DDX42: variants seen among roughly 807,000 people sequenced by gnomAD.
The protein encoded by DDX42 is ATP-dependent RNA helicase DDX42.
Under a neutral mutation model 101.5 loss-of-function variants are expected in DDX42, and 22 were observed. That is an observed-to-expected ratio of 0.22 (90% CI 0.15 to 0.31). DDX42 has a LOEUF of 0.31. Among genes scored for constraint, DDX42 ranks in the 10% least tolerant of loss-of-function variants. The pLI is 1.00. For synonymous variants in DDX42, 402 were observed against 401.2 expected, an observed-to-expected ratio of 1.00 and a Z score of -0.02; for missense variants, 849 against 1,199.9, an observed-to-expected ratio of 0.71 and a Z score of 4.32.
In DDX42 at chr17:63,801,421, A is replaced by G. The variant is rs1428266336; in HGVS notation, c.621+804A>G. ...TTACTGTTTTTGTTGTTGTTGCTAT[A>G]TTGCCCAGACTGGCCCCAAATCCCC... On this transcript the variant is annotated intron_variant, in intron 6 of 17. Coordinates refer to ENST00000389924, the MANE Select transcript of DDX42 (RefSeq NM_203499.3). Among the ~76,000 whole-genome samples the G allele has an allele frequency of 2.6e-5, 4 of 152,060 alleles. No individual in the cohort carries two copies. In the East Asian group the frequency reaches 7.7e-4, roughly 29 times the overall value.
chr17:63,792,072 C>T (rs778414382), intron 2 of DDX42, among the ~76,000 whole-genome samples: 1 of 150,796 alleles, frequency 6.6e-6, no homozygotes, highest in African/African-American at 2.4e-5. Flanking sequence ...TTTCTTTTTT[C>T]CCATAGCACA....
chr17:63,809,265 T>C (rs1348132444), intron 10 of DDX42, among the ~76,000 whole-genome samples: 1 of 152,230 alleles, frequency 6.6e-6, no homozygotes, highest in Non-Finnish European at 1.5e-5. Context: ...GAGTGTAGTT[T>C]AAACATTGAA....
chr17:63,797,582 C>G (rs1157000178), intron 3 of DDX42, among the ~76,000 whole-genome samples: 4 of 152,226 alleles, frequency 2.6e-5, no homozygotes, highest in African/African-American at 9.6e-5. Flanking sequence ...GCTGTACCAC[C>G]CCCAAAATTA....
intron 1 of DDX42, among the ~76,000 whole-genome samples, chr17:63,781,217 C>G (rs191546934): frequency 4.6e-4 from 70 of 152,044 alleles, no homozygotes; most frequent in African/African-American, 1.6e-3. Context: ...AATTTTAGTT[C>G]TTTTTGTTTT....
chr17:63,797,909 A>G, intron 3 of DDX42, 129 bp from the exon 4 acceptor site: 2 of 787,720 alleles, frequency 2.5e-6, no homozygotes, highest in South Asian at 2.1e-5. Flanking sequence ...TCAAAATGCA[A>G]TTTGATGGCA....
rs141541276 is a variant in DDX42, at chr17:63,814,254, A to C, written c.1902+800A>C. Among the ~76,000 whole-genome samples, 37 of 152,316 alleles carry C rather than the reference A, an allele frequency of 2.4e-4. No homozygotes were observed. The Middle Eastern group carries it at 0.01, about 42-fold the overall frequency. ...TAAAGCTAAGTGAGGCATTCTAACA[A>C]ATCAAACCTGGAGTCATCTGAATCC... On this transcript the variant is annotated intron_variant, in intron 15 of 17. Coordinates refer to ENST00000389924, the MANE Select transcript of DDX42 (RefSeq NM_203499.3).
At chr17:63,805,038 T>TTA in intron 6 of DDX42, 33 bp from the exon 7 acceptor site, 1 of 1,579,948 alleles carries the variant, frequency 6.3e-7, no homozygotes, top group Non-Finnish European at 8.5e-7. Context: ...GACTCTTGAA[T>TTA]TCTAGACTAA....
Position 63,774,197 on chromosome 17 carries a change from C to A in DDX42, c.-196C>A. The A allele has an allele frequency of 3.8e-6, 1 of 264,948 alleles. No individual in the cohort carries two copies. Among genetic ancestry groups the A allele is most frequent in the Non-Finnish European group, 6.9e-6 (1 of 145,082 alleles). 16.4% of individuals were successfully genotyped at this position (264,948 alleles called of 1,614,324 possible). A position where few individuals can be genotyped will look rare whatever the true frequency, so the allele number is the denominator to read the frequency against. The stretch of plus-strand genomic sequence containing the variant: ...TCCCCTCCCCCCTTCAGCAACGGGC[C>A]GTGAGGCGGTGGCGGTGGTGGCGGT... On this transcript the variant is annotated 5_prime_UTR_variant, in exon 1 of 18. Coordinates refer to ENST00000389924, the MANE Select transcript of DDX42 (RefSeq NM_203499.3).
intron 1 of DDX42, among the ~76,000 whole-genome samples, chr17:63,780,577 T>G (rs8078462): frequency 0.28 from 42,453 of 152,030 alleles, 6,306 homozygotes; most frequent in Middle Eastern, 0.37. Context: ...GAGCTAACAT[T>G]CTACTCAGGG....
chr17:63,809,643 G>A lies in DDX42; in HGVS notation c.1236G>A (p.Met412Ile), dbSNP rs1567743630. The change falls in exon 11 of 18, where the codon ATG (methionine) becomes ATA (isoleucine). Residue 412 changes from methionine (M) to isoleucine (I), a missense_variant. Physicochemically the swap from Met to Ile is conservative, Grantham distance 10. Around this residue, in one of 5 missense-constraint regions of DDX42, gnomAD observed 370 missense variants for 608.8 expected, o/e 0.61. Coordinates refer to ENST00000389924, the MANE Select transcript of DDX42 (RefSeq NM_203499.3). ...TTGTGTTTGATGAAGCAGATCGAAT[G>A]TTTGACATGGGATTTGGTATGCCTT... ...SYLVFDEADR[M>I]FDMGFEYQVR... 1 of 1,614,006 alleles carries A rather than the reference G, an allele frequency of 6.2e-7. No individual in the cohort carries two copies.
At chr17:63,806,880 A>T (rs1298985391) in intron 8 of DDX42, among the ~76,000 whole-genome samples, 1 of 152,194 alleles carries the variant, frequency 6.6e-6, no homozygotes, top group East Asian at 1.9e-4. Flanking sequence ...ATTAGGCCTA[A>T]ACCTAACCAA....
chr17:63,814,611 G>A (rs1002882639), intron 15 of DDX42, among the ~76,000 whole-genome samples: 1 of 148,352 alleles, frequency 6.7e-6, no homozygotes, highest in African/African-American at 2.5e-5. Flanking sequence ...TACCTCTCAA[G>A]CACTTTATTT....
intron 2 of DDX42, among the ~76,000 whole-genome samples, chr17:63,791,116 T>C (rs1203760922): frequency 3.3e-5 from 5 of 152,222 alleles, no homozygotes; most frequent in Admixed American, 6.5e-5. Context: ...TTTATTTAAA[T>C]TAATATTTGG....
intron 6 of DDX42, among the ~76,000 whole-genome samples, chr17:63,803,573 A>G (rs1477820285): frequency 6.6e-6 from 1 of 151,306 alleles, no homozygotes; most frequent in Non-Finnish European, 1.5e-5. Flanking sequence ...ATCTCAAAAA[A>G]AAAAAAAAAA....
chr17:63,778,681 T>C (rs1449093885), intron 1 of DDX42, among the ~76,000 whole-genome samples: 4 of 151,860 alleles, frequency 2.6e-5, no homozygotes, highest in African/African-American at 7.3e-5. Context: ...CGCTCTGTTA[T>C]CCAGGCTGGA....
intron 1 of DDX42, among the ~76,000 whole-genome samples, chr17:63,779,503 A>G (rs1348244177): frequency 1.3e-5 from 2 of 152,190 alleles, no homozygotes; most frequent in East Asian, 1.9e-4. Flanking sequence ...AGCTCGAGCC[A>G]TCCTCCTGCC....
intron 2 of DDX42, among the ~76,000 whole-genome samples, chr17:63,790,787 T>C (rs1186205056): frequency 6.6e-6 from 1 of 151,888 alleles, no homozygotes; most frequent in Non-Finnish European, 1.5e-5. Flanking sequence ...AAAAATTAAC[T>C]GGGTGCAGTG....
intron 2 of DDX42, among the ~76,000 whole-genome samples, chr17:63,790,892 C>A (rs1036248359): frequency 6.6e-6 from 1 of 152,162 alleles, no homozygotes; most frequent in East Asian, 1.9e-4. Context: ...GAGATCACGC[C>A]GCTGCACTGC....
At chr17:63,786,931 C>G (rs889155786) in intron 1 of DDX42, 103 bp from the exon 2 acceptor site, 6 of 1,175,916 alleles carry the variant, frequency 5.1e-6, no homozygotes, top group Non-Finnish European at 7.3e-6. Context: ...CTGCCTTGGC[C>G]TCCCAAAGTG....
Sources: gnomAD v4.1 joint callset for allele counts (sites outside exome capture counted in the v4.1 genomes callset) on GRCh38, gnomAD v4.1.1 for gene constraint, gnomAD v4.1.1 regional missense constraint, MANE v1.5 for transcripts, NCBI Gene and HGNC (gene_info 2026-07-23, HGNC 2026-07-21) for gene names.